PLXNC1: variants seen among roughly 807,000 people sequenced by gnomAD.
PLXNC1 encodes plexin-C1.
PLXNC1 carries 75 observed loss-of-function variants against 178.2 expected under a neutral mutation model. That is an observed-to-expected ratio of 0.42 (90% CI 0.35 to 0.51). The LOEUF (loss-of-function observed/expected upper bound fraction) is 0.51. PLXNC1 is among the 20% of genes least tolerant of loss of function. PLXNC1 has a pLI of 0.02. For synonymous variants in PLXNC1, 790 were observed against 779.9 expected, an observed-to-expected ratio of 1.01 and a Z score of -0.22; for missense variants, 1,503 against 1,984.4, an observed-to-expected ratio of 0.76 and a Z score of 4.61.
At chr12:94,205,287 C>A (rs1167582873) in intron 4 of PLXNC1, among the ~76,000 whole-genome samples, 1 of 152,158 alleles carries the variant, frequency 6.6e-6, no homozygotes, top group Non-Finnish European at 1.5e-5. Context: ...AAATACAATA[C>A]TGTAATAATA....
At chr12:94,164,095 AG>A (rs1054858293) in intron 1 of PLXNC1, among the ~76,000 whole-genome samples, 7 of 152,298 alleles carry the variant, frequency 4.6e-5, no homozygotes, top group African/African-American at 1.7e-4. Flanking sequence ...GGCACAGAGC[AG>A]GGGCCAGAAC....
At chr12:94,169,778 C>G (rs913652690) in intron 2 of PLXNC1, among the ~76,000 whole-genome samples, 1 of 152,138 alleles carries the variant, frequency 6.6e-6, no homozygotes, top group Non-Finnish European at 1.5e-5. Context: ...GTTTTTTGCC[C>G]TTTGTACCCA....
intron 14 of PLXNC1, among the ~76,000 whole-genome samples, chr12:94,249,921 G>A (rs1307261494): frequency 8.3e-6 from 1 of 119,864 alleles, no homozygotes; most frequent in Non-Finnish European, 1.8e-5. Context: ...GAGAAAAAAA[G>A]CACCAGTGTG....
In PLXNC1 at chr12:94,182,881, AT is replaced by A. The variant is rs1565797647; in HGVS notation, c.1338+1302del. Among the ~76,000 whole-genome samples the A allele has an allele frequency of 4.0e-3, 586 of 145,922 alleles. 1 individual carries two copies. The highest frequency in any genetic ancestry group is 0.014 in the African/African-American group (569 of 39,418). On this transcript the variant is annotated intron_variant, in intron 3 of 30. Coordinates refer to ENST00000258526, the MANE Select transcript of PLXNC1 (RefSeq NM_005761.3). ...TCTGTATCTATCTATCTATCTATCT[AT>A]CTATCTATCTATCTATCTATCTATC... is the stretch of plus-strand genomic sequence containing the variant.
intron 20 of PLXNC1, among the ~76,000 whole-genome samples, chr12:94,262,938 A>C (rs975282469): frequency 1.3e-5 from 2 of 152,228 alleles, no homozygotes; most frequent in African/African-American, 4.8e-5. Context: ...ACTGGAACAC[A>C]GAAGAGCTGT....
chr12:94,292,865 C>T (rs1394766144), intron 23 of PLXNC1, among the ~76,000 whole-genome samples: 2 of 152,196 alleles, frequency 1.3e-5, no homozygotes, highest in Non-Finnish European at 2.9e-5. Context: ...TAGGGATGCT[C>T]AACCTGTATA....
At chr12:94,277,824 G>T in intron 21 of PLXNC1, 1 of 406,890 alleles carries the variant, frequency 2.5e-6, no homozygotes, top group Non-Finnish European at 5.0e-6. Context: ...CCCGTGCTAA[G>T]CCCTTGAATG....
chr12:94,257,489 C>G (rs1353341980), intron 17 of PLXNC1, among the ~76,000 whole-genome samples: 1 of 152,126 alleles, frequency 6.6e-6, no homozygotes, highest in Admixed American at 6.6e-5. Flanking sequence ...CAGAGAGCCA[C>G]GGGTCCAGGC....
At chr12:94,256,684 C>A (rs1964851535) in intron 17 of PLXNC1, among the ~76,000 whole-genome samples, 1 of 152,078 alleles carries the variant, frequency 6.6e-6, no homozygotes, top group African/African-American at 2.4e-5. Context: ...TTTTGACTAT[C>A]AACATGAATG....
rs183919020 is a variant in PLXNC1 at position 94,169,076 on chromosome 12, A to G, written c.1063-77A>G. On this transcript the variant is annotated intron_variant, in intron 1 of 30. Transcript: ENST00000258526. ...GATCCTGCCTAGGAGGGCATGAGTG[A>G]CATTTCATCAGTATAATGAGAACTA... 4 of 1,321,180 alleles carry G rather than the reference A, an allele frequency of 3.0e-6. No individual in the cohort carries two copies. In the Admixed American group the frequency reaches 8.2e-5, roughly 27 times the overall value. 81.8% of individuals were successfully genotyped at this position (1,321,180 alleles called of 1,614,324 possible). A position where few individuals can be genotyped will look rare whatever the true frequency, so the allele number is the denominator to read the frequency against.
chr12:94,265,937 G>A (rs1314973158), intron 21 of PLXNC1, among the ~76,000 whole-genome samples: 3 of 152,218 alleles, frequency 2.0e-5, no homozygotes, highest in Admixed American at 6.5e-5. Context: ...AGCAGGGAAG[G>A]TAACTTTAGA....
rs1056273476 is a variant in PLXNC1, at chr12:94,227,208, G to A, written c.1953G>A (p.Lys651=). ...GAGGAGGAAGACCCAAGGAGAACAA[G>A]GGGAACAGAACCAACCAGGCTTTAC... is the stretch of plus-strand genomic sequence containing the variant. ...TSGGGRPKEN[K]GNRTNQALQV... Residue 651 remains lysine, a synonymous_variant, in exon 9 of 31, where the codon AAG becomes AAA. Transcript: ENST00000258526. 33 of 1,612,660 alleles carry A rather than the reference G, an allele frequency of 2.0e-5. No individual in the cohort carries two copies. The highest frequency in any genetic ancestry group is 2.8e-5 in the Non-Finnish European group (33 of 1,178,708).
intron 1 of PLXNC1, among the ~76,000 whole-genome samples, chr12:94,159,266 T>C (rs1961288364): frequency 6.6e-6 from 1 of 152,220 alleles, no homozygotes; most frequent in Non-Finnish European, 1.5e-5. Flanking sequence ...TATTAACTCA[T>C]CTAATCCTCA....
chr12:94,250,751 GCT>G (rs1445868062), intron 14 of PLXNC1, among the ~76,000 whole-genome samples: 1 of 152,190 alleles, frequency 6.6e-6, no homozygotes, highest in African/African-American at 2.4e-5. Context: ...AGGTACAGTG[GCT>G]CACACCTGTA....
intron 10 of PLXNC1, 132 bp from the exon 11 acceptor site, chr12:94,240,353 T>C (rs1964354904): frequency 7.5e-6 from 5 of 665,772 alleles, no homozygotes; most frequent in Non-Finnish European, 1.3e-5. Flanking sequence ...CATGAGTCAG[T>C]AGTTGCCTGC....
chr12:94,201,782 T>C (rs1405762227), intron 4 of PLXNC1, among the ~76,000 whole-genome samples: 1 of 56,190 alleles, frequency 1.8e-5, no homozygotes, highest in Admixed American at 2.5e-4. Context: ...TTTTTTTTTT[T>C]TTTTGAGACA....
intron 2 of PLXNC1, among the ~76,000 whole-genome samples, chr12:94,173,756 G>A (rs1961940743): frequency 6.6e-6 from 1 of 152,194 alleles, no homozygotes; most frequent in Admixed American, 6.5e-5. Flanking sequence ...TGGGGTATAA[G>A]GGTTGATACC....
At chr12:94,187,604 G>A (rs150633690) in intron 4 of PLXNC1, among the ~76,000 whole-genome samples, 6 of 152,302 alleles carry the variant, frequency 3.9e-5, no homozygotes, top group African/African-American at 9.6e-5. Context: ...CACTGATCAC[G>A]AACGGGATTT....
At chr12:94,258,142 AC>A (rs1964906431) in intron 17 of PLXNC1, among the ~76,000 whole-genome samples, 1 of 152,168 alleles carries the variant, frequency 6.6e-6, no homozygotes, top group Non-Finnish European at 1.5e-5. Flanking sequence ...AACAAAACAA[AC>A]AAAAAAACAC....
Sources: allele counts gnomAD v4.1 joint callset (sites outside exome capture counted in the v4.1 genomes callset), GRCh38; gene constraint gnomAD v4.1.1; transcripts MANE v1.5; gene names NCBI Gene and HGNC (gene_info 2026-07-23, HGNC 2026-07-21).